TFB1M: variants seen among roughly 807,000 people sequenced by gnomAD.
TFB1M encodes the protein dimethyladenosine transferase 1, mitochondrial.
A neutral mutation model predicts 31.1 loss-of-function variants in TFB1M; 27 were observed. That is an observed-to-expected ratio of 0.87 (90% CI 0.64 to 1.20). The LOEUF is 1.20. TFB1M is among the 50% of genes most tolerant of loss of function. The pLI is 0.00. For missense variants in TFB1M, 394 were observed against 418.7 expected (o/e 0.94, Z 0.51); for synonymous variants, 166 against 151.8 (o/e 1.09, Z -0.69).
rs1476469925 is a variant in TFB1M, at chr6:155,257,049, C to G, written c.*787G>C. ...TAAATTCTGTTCTAGAGCGAGAATT[C>G]AGTGTCCAGAGTTTAACATCTGTTG... On this transcript the variant is annotated 3_prime_UTR_variant, in exon 7 of 7. Transcript: ENST00000367166. The G allele has an allele frequency of 1.9e-6, 3 of 1,614,042 alleles. No homozygotes were observed. Among genetic ancestry groups the G allele is most frequent in the Non-Finnish European group, 1.7e-6 (2 of 1,180,032 alleles).
At chr6:155,250,973 T>C in the TFB1M span, 1 of 1,614,218 alleles carries the variant, frequency 6.2e-7, no homozygotes, top group South Asian at 1.1e-5. Flanking sequence ...GTTGAATCCA[T>C]TTCTGTCTCT....
At chr6:155,234,383 C>T in the TFB1M span, among the ~76,000 whole-genome samples, 1 of 152,218 alleles carries the variant, frequency 6.6e-6, no homozygotes, top group Non-Finnish European at 1.5e-5. Context: ...GAACTCCTGC[C>T]TCAGCATCGT....
At chr6:155,243,143 C>T in the TFB1M span, among the ~76,000 whole-genome samples, 2 of 152,202 alleles carry the variant, frequency 1.3e-5, no homozygotes, top group Non-Finnish European at 2.9e-5. Flanking sequence ...GCAAGACAGC[C>T]AAATATGGCT....
chr6:155,248,863 T>C, the TFB1M span, among the ~76,000 whole-genome samples: 4 of 152,328 alleles, frequency 2.6e-5, no homozygotes, highest in Admixed American at 2.0e-4. Flanking sequence ...ATAAAATTTA[T>C]GGGGAGAGAG....
In TFB1M at chr6:155,302,054, G is replaced by A. The variant is rs969643161; in HGVS notation, c.286-3469C>T. Among the ~76,000 whole-genome samples, 5 of 152,172 alleles carry A rather than the reference G, an allele frequency of 3.3e-5. No individual in the cohort carries two copies. The South Asian group carries it at 8.3e-4, about 25-fold the overall frequency. On this transcript the variant is annotated intron_variant, in intron 2 of 6. Coordinates refer to ENST00000367166, the MANE Select transcript of TFB1M (RefSeq NM_016020.4). ...CTTAGTGAAAGCTCCTCTGCAGGGG[G>A]CAAGTAATTGTGGTTTGGCTAGGCA... is the stretch of plus-strand genomic sequence containing the variant.
At chr6:155,267,791 C>G (rs956120133) in intron 5 of TFB1M, among the ~76,000 whole-genome samples, 3 of 152,178 alleles carry the variant, frequency 2.0e-5, no homozygotes, top group Non-Finnish European at 2.9e-5. Context: ...TCAACCTTCA[C>G]ACAGCCAAGA....
chr6:155,314,167 A>C, intron 1 of TFB1M, 129 bp downstream of exon 1: 2 of 1,542,202 alleles, frequency 1.3e-6, no homozygotes, highest in Non-Finnish European at 1.7e-6. Context: ...AAAGAGGTCG[A>C]AGGACCTGAC....
At chr6:155,234,331 ACT>A in the TFB1M span, among the ~76,000 whole-genome samples, 4 of 152,232 alleles carry the variant, frequency 2.6e-5, no homozygotes, top group Non-Finnish European at 5.9e-5. Context: ...ATAGAGCCTC[ACT>A]CTGTCACTCA....
intron 2 of TFB1M, among the ~76,000 whole-genome samples, chr6:155,303,901 C>T (rs1777546135): frequency 1.3e-5 from 2 of 152,138 alleles, no homozygotes; most frequent in African/African-American, 4.8e-5. Context: ...TAACAGCAAG[C>T]TTAAGGTCAC....
In TFB1M at chr6:155,257,582, A is replaced by G. The variant is rs377543173; in HGVS notation, c.*254T>C. ...TGTGCAGATACTTCATTTTTGTAAG[A>G]TAGATTGTAATAGATGCTGTTTATA... On this transcript the variant is annotated 3_prime_UTR_variant, in exon 7 of 7. Coordinates refer to ENST00000367166, the MANE Select transcript of TFB1M (RefSeq NM_016020.4). 1 of 39,852 alleles carries G rather than the reference A, an allele frequency of 2.5e-5. No homozygotes were observed. The highest frequency in any genetic ancestry group is 3.7e-5 in the Non-Finnish European group (1 of 27,260). 2.5% of individuals were successfully genotyped at this position (39,852 alleles called of 1,614,324 possible). A position where few individuals can be genotyped will look rare whatever the true frequency, so the allele number is the denominator to read the frequency against.
chr6:155,305,272 ATATATATATATTAAATTATATATT>A (rs1256008196), intron 2 of TFB1M, among the ~76,000 whole-genome samples: 1 of 27,340 alleles, frequency 3.7e-5, no homozygotes, highest in Non-Finnish European at 5.9e-5. Flanking sequence ...TTATATATTT[ATATATATATATTAAATTATATATT>A]TATATATATA....
the TFB1M span, among the ~76,000 whole-genome samples, chr6:155,243,780 G>A: frequency 3.0e-5 from 4 of 135,560 alleles, no homozygotes; most frequent in East Asian, 2.6e-4. Context: ...CCAGGAGGCA[G>A]AGGTTGCAGT....
chr6:155,277,813 G>A (rs1170732089), intron 5 of TFB1M, among the ~76,000 whole-genome samples: 1 of 152,164 alleles, frequency 6.6e-6, no homozygotes, highest in Non-Finnish European at 1.5e-5. Flanking sequence ...CTGATGCAAA[G>A]AATGATTTCA....
chr6:155,250,434 A>C, the TFB1M span: 6 of 860,636 alleles, frequency 7.0e-6, no homozygotes, highest in African/African-American at 1.0e-4. Flanking sequence ...TCAAGCCAGC[A>C]TGCAGGAAGT....
downstream of TFB1M, chr6:155,253,048 C>T: frequency 6.2e-7 from 1 of 1,613,626 alleles, no homozygotes; most frequent in South Asian, 1.1e-5. Context: ...CTGGGGAATC[C>T]AGCAGGTAAC....
At chr6:155,292,998 T>A (rs1389202828) in intron 4 of TFB1M, among the ~76,000 whole-genome samples, 1 of 152,010 alleles carries the variant, frequency 6.6e-6, no homozygotes, top group Admixed American at 6.5e-5. Flanking sequence ...CTGGCTAATT[T>A]TTTATTTATT....
At chr6:155,295,849 G>A (rs1309775357) in intron 4 of TFB1M, among the ~76,000 whole-genome samples, 1 of 152,124 alleles carries the variant, frequency 6.6e-6, no homozygotes. Context: ...AAATAATGTA[G>A]AGATGATTTA....
rs1785180363 is a variant in TFB1M at position 155,275,961 on chromosome 6, G to A, written c.666+9197C>T. On this transcript the variant is annotated intron_variant, in intron 5 of 6. Transcript: ENST00000367166. ...CTCCCCATCCACGTGCAGGCTGCGA[G>A]AGCCACCATGGTCCTGGCGTGTGTT... The A allele has an allele frequency of 2.5e-6, 4 of 1,614,024 alleles. No individual in the cohort carries two copies. In the Admixed American group the frequency reaches 6.7e-5, roughly 27 times the overall value.
intron 5 of TFB1M, among the ~76,000 whole-genome samples, chr6:155,271,394 A>G (rs1023313519): frequency 6.6e-6 from 1 of 152,192 alleles, no homozygotes; most frequent in Non-Finnish European, 1.5e-5. Context: ...TTTATTCATA[A>G]CATTTCCTGA....
Sources: allele counts gnomAD v4.1 joint callset (sites outside exome capture counted in the v4.1 genomes callset), GRCh38; gene constraint gnomAD v4.1.1; transcripts MANE v1.5; gene names NCBI Gene and HGNC (gene_info 2026-07-23, HGNC 2026-07-21).